The following ADAMTSL1 variants were observed in gnomAD, a reference collection of about 807,000 sequenced individuals.
The protein encoded by ADAMTSL1 is ADAMTS like 1.
ADAMTSL1 carries 126 observed loss-of-function variants against 201.8 expected under a neutral mutation model. The ratio of observed to expected loss-of-function variants is 0.62; its 90% CI spans 0.54 to 0.72. ADAMTSL1 has a LOEUF of 0.72. ADAMTSL1 is among the 30% of genes least tolerant of loss of function. The pLI, the probability that ADAMTSL1 is intolerant of heterozygous loss-of-function variation, is 0.00. For missense variants in ADAMTSL1, 2,679 were observed against 2,277.8 expected, an observed-to-expected ratio of 1.18 and a Z score of -3.59; for synonymous variants, 1,121 against 903.4, an observed-to-expected ratio of 1.24 and a Z score of -4.32.
chr9:18,233,970 C>T (rs1210826066), intron 2 of ADAMTSL1, among the ~76,000 whole-genome samples: 1 of 152,180 alleles, frequency 6.6e-6, no homozygotes, highest in African/African-American at 2.4e-5. Context: ...TGAAAACCTG[C>T]ATTCTGGCCA....
chr9:18,588,854 C>CT (rs751611950), intron 4 of ADAMTSL1, among the ~76,000 whole-genome samples: 2 of 99,848 alleles, frequency 2.0e-5, no homozygotes, highest in East Asian at 4.3e-4. Flanking sequence ...GTTGGGGTTA[C>CT]TATAGCTTTG....
intron 7 of ADAMTSL1, among the ~76,000 whole-genome samples, chr9:18,652,164 G>A (rs556988616): frequency 1.2e-4 from 19 of 152,042 alleles, no homozygotes; most frequent in Middle Eastern, 6.8e-3. Context: ...TTGAAGTCAG[G>A]AGTTCAAGAC....
chr9:18,238,957 A>T (rs1026629408), intron 2 of ADAMTSL1, among the ~76,000 whole-genome samples: 1 of 152,240 alleles, frequency 6.6e-6, no homozygotes, highest in South Asian at 2.1e-4. Context: ...AGTGAGTCAC[A>T]CAATTTTGTG....
At chr9:18,321,050 A>G (rs1347350844) in intron 2 of ADAMTSL1, among the ~76,000 whole-genome samples, 1 of 152,204 alleles carries the variant, frequency 6.6e-6, no homozygotes, top group Non-Finnish European at 1.5e-5. Flanking sequence ...ACTCAATTTT[A>G]CGTTGTTTAT....
rs11407945 is a variant in ADAMTSL1 at position 18,391,824 on chromosome 9, C to CTTTTTTTTTTTTTT, written c.208-113000_208-112987dup. 2.9e-4 allele frequency among the ~76,000 whole-genome samples: 34 copies of CTTTTTTTTTTTTTT among 116,720 alleles called. 1 individual carries two copies. Among genetic ancestry groups the CTTTTTTTTTTTTTT allele is most frequent in the Admixed American group, 5.3e-4 (5 of 9,488 alleles). 76.6% of individuals were successfully genotyped at this position (116,720 alleles called of 152,430 possible). On this transcript the variant is annotated intron_variant, in intron 2 of 29. Transcript: ENST00000680146. Reference sequence around the variant, plus strand: ...ACTACTTTTTTTCTTTCTTTTCTTTCTTTTTTTTTTTTTTTTTTGAGATGG... The same window carrying CTTTTTTTTTTTTTT: ...ACTACTTTTTTTCTTTCTTTTCTTTCTTTTTTTTTTTTTTTTTTTTTTTTTTTTTTTTGAGATGG...
intron 1 of ADAMTSL1, among the ~76,000 whole-genome samples, chr9:17,924,477 A>C (rs897927747): frequency 6.6e-6 from 1 of 152,056 alleles, no homozygotes; most frequent in Admixed American, 6.6e-5. Flanking sequence ...TGATATCCAA[A>C]ACAGCATGGT....
intron 1 of ADAMTSL1, among the ~76,000 whole-genome samples, chr9:18,111,610 A>AT (rs1825013279): frequency 1.3e-5 from 2 of 152,246 alleles, no homozygotes; most frequent in South Asian, 4.1e-4. Flanking sequence ...ATTTAAAAAT[A>AT]TGCACAAGAC....
intron 2 of ADAMTSL1, among the ~76,000 whole-genome samples, chr9:18,512,204 C>G (rs958102570): frequency 6.6e-6 from 1 of 152,140 alleles, no homozygotes; most frequent in Non-Finnish European, 1.5e-5. Context: ...ATTACCAAGA[C>G]TTCTAATATT....
intron 1 of ADAMTSL1, among the ~76,000 whole-genome samples, chr9:18,110,396 T>G (rs1308998028): frequency 6.6e-6 from 1 of 152,066 alleles, no homozygotes; most frequent in Non-Finnish European, 1.5e-5. Context: ...CTAGGCAGGT[T>G]TAGAGAATCT....
intron 28 of ADAMTSL1, chr9:18,907,975 G>A (rs983462513): frequency 1.7e-5 from 3 of 181,716 alleles, no homozygotes; most frequent in South Asian, 1.1e-4. Context: ...GGGGGCACCC[G>A]ACGCAAGTCT....
At chr9:18,494,504 G>A (rs1241503740) in intron 1 of ADAMTSL1, among the ~76,000 whole-genome samples, 1 of 152,010 alleles carries the variant, frequency 6.6e-6, no homozygotes, top group Non-Finnish European at 1.5e-5. Flanking sequence ...GGTGAGGAGG[G>A]GAATCTAGGC....
intron 23 of ADAMTSL1, among the ~76,000 whole-genome samples, chr9:18,848,688 A>T (rs1001379): frequency 6.6e-6 from 1 of 152,104 alleles, no homozygotes; most frequent in East Asian, 1.9e-4. Context: ...CCTACTCTAG[A>T]CCAGAGTTGG....
At chr9:18,614,860 C>G (rs896512149) in intron 4 of ADAMTSL1, among the ~76,000 whole-genome samples, 7 of 152,158 alleles carry the variant, frequency 4.6e-5, no homozygotes, top group African/African-American at 1.4e-4. Flanking sequence ...CCAGTGGTTC[C>G]CAACTTCTTA....
intron 14 of ADAMTSL1, among the ~76,000 whole-genome samples, chr9:18,720,320 G>T (rs1407201207): frequency 6.6e-6 from 1 of 152,162 alleles, no homozygotes; most frequent in Non-Finnish European, 1.5e-5. Context: ...TGTTAAATGG[G>T]AATAAAAATA....
chr9:18,460,649 G>A (rs187795924), intron 2 of ADAMTSL1, among the ~76,000 whole-genome samples: 23 of 152,228 alleles, frequency 1.5e-4, no homozygotes, highest in Admixed American at 1.0e-3. Context: ...GGGTACTATC[G>A]CTACGCTCAG....
intron 2 of ADAMTSL1, among the ~76,000 whole-genome samples, chr9:18,301,233 G>T (rs1204320075): frequency 2.0e-5 from 3 of 151,928 alleles, no homozygotes; most frequent in Non-Finnish European, 4.4e-5. Flanking sequence ...GATGTTAAAA[G>T]GTATAAAAAC....
At chr9:18,600,897 G>A (rs1445587644) in intron 4 of ADAMTSL1, among the ~76,000 whole-genome samples, 3 of 152,078 alleles carry the variant, frequency 2.0e-5, no homozygotes, top group Non-Finnish European at 4.4e-5. Flanking sequence ...TCTCATTTAC[G>A]TTATTTTTCT....
chr9:18,619,698 C>G (rs952614511), intron 4 of ADAMTSL1, among the ~76,000 whole-genome samples: 4 of 152,170 alleles, frequency 2.6e-5, no homozygotes, highest in Non-Finnish European at 5.9e-5. Context: ...ATGATTATCT[C>G]CTTTGGCTCC....
chr9:18,307,565 C>G (rs1833957199), intron 2 of ADAMTSL1, among the ~76,000 whole-genome samples: 1 of 152,044 alleles, frequency 6.6e-6, no homozygotes. Context: ...ATAAAACAGA[C>G]TTTAAACCAA....
Sources: allele counts gnomAD v4.1 joint callset (sites outside exome capture counted in the v4.1 genomes callset), GRCh38; gene constraint gnomAD v4.1.1; transcripts MANE v1.5; gene names NCBI Gene and HGNC (gene_info 2026-07-23, HGNC 2026-07-21).